Variants in PDZD2 observed in about 807,000 individuals in gnomAD.
PDZD2 encodes the protein PDZ domain-containing protein 2.
Under a neutral mutation model 220.7 loss-of-function variants are expected in PDZD2, and 90 were observed. That is an observed-to-expected ratio of 0.41 (90% CI 0.34 to 0.49). PDZD2 has a LOEUF of 0.49. Among genes scored for constraint, PDZD2 ranks in the 20% least tolerant of loss-of-function variants. The pLI is 0.28. For synonymous variants in PDZD2, 1,375 were observed against 1,450.5 expected, an observed-to-expected ratio of 0.95 and a Z score of 1.18; for missense variants, 3,174 against 3,608.5, an observed-to-expected ratio of 0.88 and a Z score of 3.08.
intron 13 of PDZD2, among the ~76,000 whole-genome samples, chr5:32,060,293 A>T (rs1019646498): frequency 6.6e-6 from 1 of 152,200 alleles, no homozygotes; most frequent in Non-Finnish European, 1.5e-5. Context: ...GAATGATTCC[A>T]TATGTCTGGA....
intron 5 of PDZD2, among the ~76,000 whole-genome samples, chr5:32,003,182 CA>C (rs1752440057): frequency 8.2e-6 from 1 of 122,100 alleles, no homozygotes; most frequent in Non-Finnish European, 1.7e-5. Context: ...CACCATACAC[CA>C]CACACACACT....
At position 32,089,608 on chromosome 5, in the gene PDZD2, G is replaced by A; in HGVS notation, c.6160G>A (p.Glu2054Lys). 6.2e-7 allele frequency: 1 copy of A among 1,612,874 alleles called. No homozygotes were observed. Among genetic ancestry groups the A allele is most frequent in the Non-Finnish European group, 8.5e-7 (1 of 1,179,934 alleles). The change falls in exon 20 of 25, where the codon GAG (glutamate) becomes AAG (lysine). Residue 2054 changes from glutamate to lysine, a missense_variant. By Grantham distance (56) the Glu-to-Lys change is moderately conservative (BLOSUM62 1). Around this residue, in one of 4 missense-constraint regions of PDZD2, gnomAD observed 1,861 missense variants for 2,001.0 expected, o/e 0.93. Coordinates refer to ENST00000438447, the MANE Select transcript of PDZD2 (RefSeq NM_178140.4). ...GMSVAGNRQS[E>K]PRLASHVAAD... ...GTCCGTGGCAGGGAACAGACAGAGT[G>A]AGCCGCGCCTGGCCAGCCATGTGGC...
At chr5:31,992,613 A>G (rs1751308199) in intron 3 of PDZD2, among the ~76,000 whole-genome samples, 1 of 152,174 alleles carries the variant, frequency 6.6e-6, no homozygotes, top group African/African-American at 2.4e-5. Context: ...AGGAGGGGAA[A>G]AGGAGAAAAG....
At chr5:31,781,351 T>C (rs1210102123) in intron 1 of PDZD2, among the ~76,000 whole-genome samples, 1 of 151,968 alleles carries the variant, frequency 6.6e-6, no homozygotes, top group Non-Finnish European at 1.5e-5. Flanking sequence ...GAGTTGGAGG[T>C]TGCAGTGAGC....
At chr5:32,008,401 C>A (rs1300920917) in intron 5 of PDZD2, among the ~76,000 whole-genome samples, 1 of 151,392 alleles carries the variant, frequency 6.6e-6, no homozygotes, top group East Asian at 1.9e-4. Flanking sequence ...GTGCCTCAGT[C>A]CCCCAAGTAG....
rs910613407 is a variant in PDZD2, at chr5:31,836,640, G to T, written c.476+36916G>T. The stretch of plus-strand genomic sequence containing the variant: ...TAGAGATGATGCTCTAATGACAAAA[G>T]CAGAGAGGTAGGCAAAGGTTTTTTA... On this transcript the variant is annotated intron_variant, in intron 2 of 24. Coordinates refer to ENST00000438447, the MANE Select transcript of PDZD2 (RefSeq NM_178140.4). Among the ~76,000 whole-genome samples the T allele has an allele frequency of 1.3e-5, 2 of 152,270 alleles. 1 individual carries two copies. Among genetic ancestry groups the T allele is most frequent in the African/African-American group, 4.8e-5 (2 of 41,546 alleles).
At chr5:31,801,003 C>T (rs906981954) in intron 2 of PDZD2, among the ~76,000 whole-genome samples, 5 of 152,206 alleles carry the variant, frequency 3.3e-5, no homozygotes, top group African/African-American at 1.2e-4. Context: ...GGAAACCAGC[C>T]AGGGGCAGGG....
At chr5:31,961,670 T>C (rs976100364) in intron 2 of PDZD2, among the ~76,000 whole-genome samples, 5 of 152,162 alleles carry the variant, frequency 3.3e-5, no homozygotes, top group Non-Finnish European at 5.9e-5. Flanking sequence ...TTTGAGACGA[T>C]GTCTTGCTCT....
Position 32,087,660 on chromosome 5 carries a change from A to AGAAGCAT in PDZD2, c.4214_4220dup (p.Cys1407Ter). On this transcript the variant is annotated frameshift_variant, in exon 20 of 25. Coordinates refer to ENST00000438447, the MANE Select transcript of PDZD2 (RefSeq NM_178140.4). LOFTEE classifies it high-confidence loss of function. The surrounding 1 kb of genome is among the most constrained non-coding windows in gnomAD (Gnocchi z 4.0). ...TGCTGCCATCCACTGACAACACCAAAGAAGCATGTGGCCATGTCTCGGGGC... is the reference window on the plus strand; with the variant it reads ...TGCTGCCATCCACTGACAACACCAAAGAAGCATGAAGCATGTGGCCATGTCTCGGGGC... 1 of 1,614,194 alleles carries AGAAGCAT rather than the reference A, an allele frequency of 6.2e-7. No individual in the cohort carries two copies. Among genetic ancestry groups the AGAAGCAT allele is most frequent in the Non-Finnish European group, 8.5e-7 (1 of 1,180,032 alleles).
chr5:31,807,598 C>T (rs1483669345), intron 2 of PDZD2, among the ~76,000 whole-genome samples: 1 of 152,192 alleles, frequency 6.6e-6, no homozygotes, highest in East Asian at 1.9e-4. Context: ...ACAGGGAAGA[C>T]AAAGAATAAT....
intron 2 of PDZD2, chr5:31,832,595 C>T (rs1756675576): frequency 6.6e-6 from 1 of 152,168 alleles, no homozygotes; most frequent in Non-Finnish European, 1.5e-5. Flanking sequence ...GCAGGCAGAT[C>T]ACCTGAGGTG....
At chr5:32,003,266 GCCACACACACA>G (rs1466553852) in intron 5 of PDZD2, among the ~76,000 whole-genome samples, 23 of 58,826 alleles carry the variant, frequency 3.9e-4, no homozygotes, top group Non-Finnish European at 5.9e-4. Context: ...CACACCACAT[GCCACACACACA>G]CCACACACAC....
Position 32,000,507 on chromosome 5 carries a change from GTTTTTGTTTTTGT to G in PDZD2, c.1254+242_1254+254del. ...TGTTTTTGTTTTTGTTTTTGTTTTT[GTTTTTGTTTTTGT>G]TTTTTTTGAGACGGAGTTTCACTCT... On this transcript the variant is annotated intron_variant, in intron 5 of 24. Coordinates refer to ENST00000438447, the MANE Select transcript of PDZD2 (RefSeq NM_178140.4). The surrounding 1 kb of genome is among the most constrained non-coding windows in gnomAD (Gnocchi z 4.5). Among the ~76,000 whole-genome samples, 1 of 125,232 alleles carries G rather than the reference GTTTTTGTTTTTGT, an allele frequency of 8.0e-6. No homozygotes were observed. Among genetic ancestry groups the G allele is most frequent in the Admixed American group, 8.0e-5 (1 of 12,428 alleles). The allele number at this position is 125,232 out of a possible 152,430, so 82.2% of individuals were successfully genotyped here.
intron 1 of PDZD2, among the ~76,000 whole-genome samples, chr5:31,756,085 G>A (rs1215527446): frequency 6.6e-6 from 1 of 152,152 alleles, no homozygotes; most frequent in Non-Finnish European, 1.5e-5. Flanking sequence ...AGAGGAATGG[G>A]ACACCCGAAA....
chr5:31,665,385 A>G (rs1745943030), intron 1 of PDZD2, among the ~76,000 whole-genome samples: 1 of 152,134 alleles, frequency 6.6e-6, no homozygotes, highest in Non-Finnish European at 1.5e-5. Flanking sequence ...CCTTTCCTGG[A>G]CCCACAAATT....
intron 19 of PDZD2, among the ~76,000 whole-genome samples, chr5:32,080,373 G>GGT (rs1561530570): frequency 7.7e-6 from 1 of 129,598 alleles, no homozygotes; most frequent in African/African-American, 2.9e-5. Context: ...AAAAAAAAGT[G>GGT]GGGGGTGAGG....
chr5:31,805,424 A>C (rs1290721985), intron 2 of PDZD2, among the ~76,000 whole-genome samples: 4 of 152,142 alleles, frequency 2.6e-5, no homozygotes, highest in Non-Finnish European at 4.4e-5. Flanking sequence ...AAAAGTGGTA[A>C]GTAGAAATTA....
chr5:31,838,286 G>A (rs1757067707), intron 2 of PDZD2, among the ~76,000 whole-genome samples: 1 of 152,130 alleles, frequency 6.6e-6, no homozygotes, highest in African/African-American at 2.4e-5. Context: ...TTGAAGTCCT[G>A]ACCTCAAATG....
At chr5:32,008,651 T>C (rs1347310707) in intron 5 of PDZD2, among the ~76,000 whole-genome samples, 1 of 152,096 alleles carries the variant, frequency 6.6e-6, no homozygotes, top group Non-Finnish European at 1.5e-5. Flanking sequence ...GAGGAGATCA[T>C]GGATATGTGA....
Sources: allele counts gnomAD v4.1 joint callset (sites outside exome capture counted in the v4.1 genomes callset), GRCh38; gene constraint gnomAD v4.1.1; regional missense constraint gnomAD v4.1.1; non-coding constraint Gnocchi (gnomAD v3.1); transcripts MANE v1.5; gene names NCBI Gene and HGNC (gene_info 2026-07-23, HGNC 2026-07-21).